BAALC: variants seen among roughly 807,000 people sequenced by gnomAD.
The protein encoded by BAALC is brain and acute leukemia cytoplasmic protein.
A neutral mutation model predicts 15.5 loss-of-function variants in BAALC; 9 were observed. The ratio of observed to expected loss-of-function variants is 0.58; its 90% CI spans 0.35 to 1.02. BAALC has a LOEUF of 1.02. Ranked by LOEUF, BAALC falls within the 50% of genes least tolerant of loss-of-function variation. BAALC has a pLI of 0.02. For missense variants in BAALC, 201 were observed against 192.4 expected (o/e 1.04, Z -0.27); for synonymous variants, 80 against 74.6 (o/e 1.07, Z -0.37).
intron 1 of BAALC, among the ~76,000 whole-genome samples, chr8:103,166,945 C>T (rs1266002177): frequency 1.3e-5 from 2 of 152,140 alleles, no homozygotes; most frequent in African/African-American, 4.8e-5. Flanking sequence ...CAGGTTAATT[C>T]TAATGATTGG....
chr8:103,217,877 G>A (rs563979559), intron 2 of BAALC, among the ~76,000 whole-genome samples: 41 of 152,328 alleles, frequency 2.7e-4, no homozygotes, highest in African/African-American at 9.1e-4. Flanking sequence ...CAGTGCCAAG[G>A]ATCCAGGGGT....
chr8:103,192,209 C>A (rs4734692), intron 1 of BAALC, among the ~76,000 whole-genome samples: 8 of 151,890 alleles, frequency 5.3e-5, no homozygotes, highest in African/African-American at 1.5e-4. Context: ...GTGCCACCAC[C>A]CCTGGCTAAT....
intron 1 of BAALC, among the ~76,000 whole-genome samples, chr8:103,144,083 C>T (rs1358364847): frequency 6.6e-6 from 1 of 152,190 alleles, no homozygotes; most frequent in Non-Finnish European, 1.5e-5. Flanking sequence ...AAGAAAAGTC[C>T]CATTTAATCA....
intron 1 of BAALC, among the ~76,000 whole-genome samples, chr8:103,162,019 G>A (rs1329917157): frequency 6.6e-6 from 1 of 152,090 alleles, no homozygotes; most frequent in African/African-American, 2.4e-5. Context: ...GAAGCACAGT[G>A]ATACGATCAA....
chr8:103,164,952 T>C (rs1369148974), intron 1 of BAALC, among the ~76,000 whole-genome samples: 1 of 152,196 alleles, frequency 6.6e-6, no homozygotes, highest in Non-Finnish European at 1.5e-5. Flanking sequence ...TTGCCATTAC[T>C]GTTGTCTGAG....
intron 1 of BAALC, among the ~76,000 whole-genome samples, chr8:103,206,511 C>T (rs192784498): frequency 1.3e-5 from 2 of 152,160 alleles, no homozygotes; most frequent in Admixed American, 6.5e-5. Flanking sequence ...GACCCTTCCC[C>T]TCTAAAGCTA....
intron 1 of BAALC, among the ~76,000 whole-genome samples, chr8:103,206,695 C>A (rs1812340357): frequency 6.6e-6 from 1 of 152,060 alleles, no homozygotes; most frequent in Non-Finnish European, 1.5e-5. Context: ...ATTGTCTTGG[C>A]TCTGGTAGTA....
intron 1 of BAALC, among the ~76,000 whole-genome samples, chr8:103,197,135 AC>A (rs1812114866): frequency 1.3e-5 from 2 of 152,280 alleles, no homozygotes; most frequent in South Asian, 4.1e-4. Flanking sequence ...GACACCATAC[AC>A]CCACTAATTA....
intron 1 of BAALC, among the ~76,000 whole-genome samples, chr8:103,149,536 G>A (rs1014841540): frequency 1.3e-5 from 2 of 152,210 alleles, no homozygotes; most frequent in Non-Finnish European, 2.9e-5. Flanking sequence ...TCATCTTTCA[G>A]GTCCCATGAA....
At chr8:103,172,304 G>C (rs916032731) in intron 1 of BAALC, among the ~76,000 whole-genome samples, 2 of 150,330 alleles carry the variant, frequency 1.3e-5, no homozygotes, top group South Asian at 4.2e-4. Flanking sequence ...CCAGAGGCCA[G>C]ATATCCTATC....
At chr8:103,193,864 G>A (rs1812030324) in intron 1 of BAALC, among the ~76,000 whole-genome samples, 1 of 152,136 alleles carries the variant, frequency 6.6e-6, no homozygotes, top group Non-Finnish European at 1.5e-5. Context: ...ATTCTTCCCT[G>A]GTACACAGTG....
chr8:103,158,650 G>A (rs1055089673), intron 1 of BAALC, among the ~76,000 whole-genome samples: 1 of 151,810 alleles, frequency 6.6e-6, no homozygotes, highest in Non-Finnish European at 1.5e-5. Flanking sequence ...TCTACAGCAC[G>A]GATACATAGG....
chr8:103,166,517 G>T (rs1494283), intron 1 of BAALC, among the ~76,000 whole-genome samples: 1 of 152,124 alleles, frequency 6.6e-6, no homozygotes, highest in Admixed American at 6.6e-5. Context: ...AAACCGTTTT[G>T]TTTTTTTGTT....
chr8:103,151,019 ATTT>A lies in BAALC; in HGVS notation c.160+9976_160+9978del, dbSNP rs3041482. Among the ~76,000 whole-genome samples, 496 of 142,636 alleles carry A rather than the reference ATTT, an allele frequency of 3.5e-3. 4 individuals are homozygous for A. The highest frequency in any genetic ancestry group is 0.012 in the South Asian group (54 of 4,438). The allele number at this position is 142,636 out of a possible 152,430, so 93.6% of individuals were successfully genotyped here. On this transcript the variant is annotated intron_variant, in intron 1 of 2. Transcript: ENST00000309982. Reference sequence around the variant, plus strand: ...AATAGTTGCAATGTTAAAGAATTTGATTTTTTTTTTTTTTTTGAGATGGAGTCT... The same window carrying A: ...AATAGTTGCAATGTTAAAGAATTTGATTTTTTTTTTTTTGAGATGGAGTCT...
At chr8:103,203,275 G>T (rs1419105337) in intron 1 of BAALC, among the ~76,000 whole-genome samples, 2 of 152,190 alleles carry the variant, frequency 1.3e-5, no homozygotes, top group East Asian at 3.9e-4. Flanking sequence ...TCCTTTGGGG[G>T]CTGTTGCTAG....
intron 1 of BAALC, among the ~76,000 whole-genome samples, chr8:103,180,307 G>T (rs911755150): frequency 6.6e-6 from 1 of 152,196 alleles, no homozygotes; most frequent in Non-Finnish European, 1.5e-5. Flanking sequence ...TGGTCACTAT[G>T]GTTTCCAGAA....
chr8:103,180,538 G>A (rs887315031), intron 1 of BAALC, among the ~76,000 whole-genome samples: 1 of 152,198 alleles, frequency 6.6e-6, no homozygotes, highest in Non-Finnish European at 1.5e-5. Flanking sequence ...GCAGTTACAG[G>A]AAGGAGGCTT....
intron 2 of BAALC, among the ~76,000 whole-genome samples, chr8:103,214,273 C>G (rs754438494): frequency 6.6e-6 from 1 of 152,146 alleles, no homozygotes. Flanking sequence ...GAGCTAAGCC[C>G]AAGTTCCTGA....
At chr8:103,152,234 T>G (rs1044140422) in intron 1 of BAALC, among the ~76,000 whole-genome samples, 1 of 152,194 alleles carries the variant, frequency 6.6e-6, no homozygotes, top group African/African-American at 2.4e-5. Flanking sequence ...CCTGCTGATT[T>G]TCCAGCATGA....
Sources: gnomAD v4.1 joint callset for allele counts (sites outside exome capture counted in the v4.1 genomes callset) on GRCh38, gnomAD v4.1.1 for gene constraint, MANE v1.5 for transcripts, NCBI Gene and HGNC (gene_info 2026-07-23, HGNC 2026-07-21) for gene names.